Variants in ZFAND3 observed in about 807,000 individuals in gnomAD.
ZFAND3 encodes the protein AN1-type zinc finger protein 3.
In ZFAND3, 10 loss-of-function variants were observed where a neutral mutation model predicts 29.6. The observed-to-expected ratio is 0.34, with a 90% CI of 0.21 to 0.57. The LOEUF is 0.57. ZFAND3 is among the 20% of genes least tolerant of loss of function. The pLI, the probability that ZFAND3 is intolerant of heterozygous loss-of-function variation, is 0.86. For missense variants in ZFAND3, 230 were observed against 304.5 expected, an observed-to-expected ratio of 0.76 and a Z score of 1.82; for synonymous variants, 128 against 112.6, an observed-to-expected ratio of 1.14 and a Z score of -0.87.
intron 4 of ZFAND3, among the ~76,000 whole-genome samples, chr6:38,111,558 A>T (rs1765316585): frequency 6.6e-6 from 1 of 152,204 alleles, no homozygotes; most frequent in African/African-American, 2.4e-5. Flanking sequence ...TCAGCTAGTC[A>T]GCGTGAAGAC....
chr6:37,894,354 C>G (rs952511163), intron 1 of ZFAND3, among the ~76,000 whole-genome samples: 2 of 151,572 alleles, frequency 1.3e-5, no homozygotes, highest in South Asian at 4.2e-4. Context: ...TGGTATAATT[C>G]TCCTGCTCCT....
intron 2 of ZFAND3, among the ~76,000 whole-genome samples, chr6:37,989,878 T>C (rs1027948618): frequency 6.6e-6 from 1 of 152,222 alleles, no homozygotes; most frequent in Admixed American, 6.5e-5. Context: ...AGTAATACTC[T>C]AGAAAGTTAG....
At chr6:37,842,877 A>AT (rs1439225204) in intron 1 of ZFAND3, among the ~76,000 whole-genome samples, 2 of 150,882 alleles carry the variant, frequency 1.3e-5, no homozygotes, top group Admixed American at 1.3e-4. Flanking sequence ...ATCCCAGCAC[A>AT]TTGGGAGGCC....
intron 1 of ZFAND3, among the ~76,000 whole-genome samples, chr6:37,825,545 A>G (rs1233513841): frequency 6.6e-6 from 1 of 152,090 alleles, no homozygotes; most frequent in African/African-American, 2.4e-5. Context: ...TTAAAGAAAC[A>G]TAGTCTTCTT....
At chr6:37,966,667 A>G (rs938739655) in intron 2 of ZFAND3, among the ~76,000 whole-genome samples, 3 of 152,140 alleles carry the variant, frequency 2.0e-5, no homozygotes, top group South Asian at 2.1e-4. Flanking sequence ...TTGATGCTCT[A>G]TCACTCCCAA....
chr6:38,053,670 G>T (rs534230585), intron 2 of ZFAND3, among the ~76,000 whole-genome samples: 2 of 152,280 alleles, frequency 1.3e-5, no homozygotes, highest in South Asian at 4.1e-4. Context: ...CTACATTCCA[G>T]CCTGGATGGC....
At chr6:38,146,245 TC>T (rs973877859) in intron 5 of ZFAND3, among the ~76,000 whole-genome samples, 3 of 152,074 alleles carry the variant, frequency 2.0e-5, no homozygotes, top group African/African-American at 4.8e-5. Context: ...GGGGAAACCT[TC>T]CCCCCAGATC....
chr6:37,852,627 T>C (rs1411604864), intron 1 of ZFAND3, among the ~76,000 whole-genome samples: 1 of 152,184 alleles, frequency 6.6e-6, no homozygotes, highest in Non-Finnish European at 1.5e-5. Flanking sequence ...CCAGACATAA[T>C]TTTTGTGTTC....
intron 4 of ZFAND3, among the ~76,000 whole-genome samples, chr6:38,106,128 G>A (rs577810508): frequency 1.3e-5 from 2 of 152,072 alleles, no homozygotes; most frequent in South Asian, 4.2e-4. Context: ...AGGTAGATGA[G>A]TAGCAACTTA....
chr6:37,961,403 G>A (rs1374584870), intron 2 of ZFAND3, among the ~76,000 whole-genome samples: 1 of 152,182 alleles, frequency 6.6e-6, no homozygotes, highest in Non-Finnish European at 1.5e-5. Flanking sequence ...TAGCACCTCT[G>A]GCCCCTCCAG....
chr6:37,965,727 T>C (rs928253981), intron 2 of ZFAND3, among the ~76,000 whole-genome samples: 3 of 152,196 alleles, frequency 2.0e-5, no homozygotes, highest in Non-Finnish European at 4.4e-5. Context: ...TGCTGCCTTA[T>C]GGACTGAAGT....
rs560134419 is a variant in ZFAND3 at position 38,014,527 on chromosome 6, A to G, written c.113-47066A>G. Among the ~76,000 whole-genome samples the G allele has an allele frequency of 5.3e-5, 8 of 151,986 alleles. No individual in the cohort carries two copies. The South Asian group carries it at 8.3e-4, about 16-fold the overall frequency. ...TTTTTAGTAGAGACGGGGTTTTGTCATATGAGTCAGGCTGGTCTTGAACTC... is the reference window on the plus strand; with the variant it reads ...TTTTTAGTAGAGACGGGGTTTTGTCGTATGAGTCAGGCTGGTCTTGAACTC... On this transcript the variant is annotated intron_variant, in intron 2 of 5. Coordinates refer to ENST00000287218, the MANE Select transcript of ZFAND3 (RefSeq NM_021943.3).
At chr6:37,890,291 A>G (rs74994792) in intron 1 of ZFAND3, among the ~76,000 whole-genome samples, 3 of 152,292 alleles carry the variant, frequency 2.0e-5, no homozygotes, top group East Asian at 1.9e-4. Flanking sequence ...TTGAGTCCCT[A>G]TAGGTTGACT....
At chr6:38,004,878 A>T (rs989859718) in intron 2 of ZFAND3, among the ~76,000 whole-genome samples, 1 of 152,172 alleles carries the variant, frequency 6.6e-6, no homozygotes, top group Non-Finnish European at 1.5e-5. Context: ...TGAGAAAGAG[A>T]GTGGCAGTTC....
chr6:38,111,503 C>T (rs1765315418), intron 4 of ZFAND3, among the ~76,000 whole-genome samples: 1 of 152,126 alleles, frequency 6.6e-6, no homozygotes, highest in South Asian at 2.1e-4. Flanking sequence ...CTCTGCCATC[C>T]CAGAAACTGC....
chr6:37,843,403 C>T (rs1581702415), intron 1 of ZFAND3, among the ~76,000 whole-genome samples: 1 of 151,734 alleles, frequency 6.6e-6, no homozygotes, highest in East Asian at 1.9e-4. Flanking sequence ...GGGAGAATGG[C>T]TTGAACCCGG....
At chr6:38,054,426 A>C (rs1362594694) in intron 2 of ZFAND3, among the ~76,000 whole-genome samples, 1 of 151,330 alleles carries the variant, frequency 6.6e-6, no homozygotes, top group Non-Finnish European at 1.5e-5. Context: ...AAGGAAGCAC[A>C]CAAAAACCGT....
rs1410626344 is a variant in ZFAND3, at chr6:37,962,739, T to C, written c.112+32740T>C. On this transcript the variant is annotated intron_variant, in intron 2 of 5. Coordinates refer to ENST00000287218, the MANE Select transcript of ZFAND3 (RefSeq NM_021943.3). ...CGGGGCCAAATAAGGGAATAAAAGC[T>C]GGCCACCTGAGCCAGCAAGGGCAAC... Among the ~76,000 whole-genome samples, 100 of 152,288 alleles carry C rather than the reference T, an allele frequency of 6.6e-4. 1 individual carries two copies. Among genetic ancestry groups the C allele is most frequent in the Non-Finnish European group, 4.4e-5 (3 of 68,016 alleles).
At chr6:38,030,366 T>C (rs1261891238) in intron 2 of ZFAND3, among the ~76,000 whole-genome samples, 1 of 151,866 alleles carries the variant, frequency 6.6e-6, no homozygotes, top group East Asian at 1.9e-4. Context: ...TAAGCACTGT[T>C]TTTTTCTCAT....
Sources: allele counts gnomAD v4.1 joint callset (sites outside exome capture counted in the v4.1 genomes callset), GRCh38; gene constraint gnomAD v4.1.1; transcripts MANE v1.5; gene names NCBI Gene and HGNC (gene_info 2026-07-23, HGNC 2026-07-21).